PLCXD3: variants seen among roughly 807,000 people sequenced by gnomAD.
The protein encoded by PLCXD3 is phosphatidylinositol specific phospholipase C X domain containing 3.
Under a neutral mutation model 25.5 loss-of-function variants are expected in PLCXD3, and 19 were observed. The ratio of observed to expected loss-of-function variants is 0.75; its 90% CI spans 0.52 to 1.09. The LOEUF (loss-of-function observed/expected upper bound fraction) is 1.09, where lower values mean the gene tolerates loss of function less well. PLCXD3 is among the 50% of genes least tolerant of loss of function. The pLI is 0.00. For missense variants in PLCXD3, 411 were observed against 388.1 expected (o/e 1.06, Z -0.50); for synonymous variants, 174 against 137.6 (o/e 1.26, Z -1.85).
At chr5:41,477,619 C>A (rs1451378213) in intron 1 of PLCXD3, among the ~76,000 whole-genome samples, 1 of 152,046 alleles carries the variant, frequency 6.6e-6, no homozygotes, top group Non-Finnish European at 1.5e-5. Flanking sequence ...AGCCCCCTTA[C>A]ACCATAGTCA....
chr5:41,384,184 G>A (rs1237659528), intron 1 of PLCXD3, among the ~76,000 whole-genome samples: 1 of 152,118 alleles, frequency 6.6e-6, no homozygotes, highest in African/African-American at 2.4e-5. Flanking sequence ...AGTAGATGGT[G>A]TGGCAAGAAA....
In PLCXD3 at chr5:41,352,379, A is replaced by T. The variant is rs576125633; in HGVS notation, c.812+29447T>A. 5.9e-5 allele frequency among the ~76,000 whole-genome samples: 9 copies of T among 152,270 alleles called. No homozygotes were observed. In the South Asian group the frequency reaches 1.7e-3, roughly 28 times the overall value. ...ACCTGGCAAATTTCTACTTGCTTTA[A>T]TTCTCAGATCAAAAATCACTTTCTT... is the stretch of plus-strand genomic sequence containing the variant. On this transcript the variant is annotated intron_variant, in intron 2 of 2. Coordinates refer to ENST00000377801, the MANE Select transcript of PLCXD3 (RefSeq NM_001005473.3).
At chr5:41,426,908 T>A (rs1159897614) in intron 1 of PLCXD3, among the ~76,000 whole-genome samples, 5 of 152,186 alleles carry the variant, frequency 3.3e-5, no homozygotes, top group Non-Finnish European at 7.4e-5. Flanking sequence ...TAGAGAATTC[T>A]AGAATGACTA....
intron 1 of PLCXD3, among the ~76,000 whole-genome samples, chr5:41,485,369 C>T (rs1161780053): frequency 6.6e-6 from 1 of 152,204 alleles, no homozygotes; most frequent in Admixed American, 6.5e-5. Context: ...AAAAATCACA[C>T]TGATGAAAGT....
intron 1 of PLCXD3, among the ~76,000 whole-genome samples, chr5:41,389,990 C>T (rs760915720): frequency 1.3e-5 from 2 of 152,094 alleles, no homozygotes; most frequent in African/African-American, 2.4e-5. Context: ...CCTTGTGACC[C>T]TTTGTAGCAA....
chr5:41,339,481 C>T (rs968678703), intron 2 of PLCXD3, among the ~76,000 whole-genome samples: 2 of 151,468 alleles, frequency 1.3e-5, no homozygotes, highest in East Asian at 1.9e-4. Flanking sequence ...GAATCACTGA[C>T]GTATGTGAAT....
chr5:41,444,023 C>T (rs529014472), intron 1 of PLCXD3, among the ~76,000 whole-genome samples: 1 of 152,092 alleles, frequency 6.6e-6, no homozygotes, highest in Non-Finnish European at 1.5e-5. Flanking sequence ...ACAAATCAAT[C>T]TGTGGATATA....
intron 2 of PLCXD3, among the ~76,000 whole-genome samples, chr5:41,353,218 G>A (rs1332439657): frequency 2.7e-5 from 4 of 150,734 alleles, no homozygotes; most frequent in Admixed American, 1.3e-4. Flanking sequence ...TCAGCCTCCC[G>A]AGTAGCTGGG....
intron 2 of PLCXD3, among the ~76,000 whole-genome samples, chr5:41,375,172 A>AG (rs56149624): frequency 0.67 from 100,245 of 149,538 alleles, 33,531 homozygotes; most frequent in South Asian, 0.75. Context: ...AGAGAGAGAG[A>AG]AAGAGAAAGA....
At position 41,459,849 on chromosome 5, in the gene PLCXD3, A is replaced by G. The variant is rs181968948; in HGVS notation, c.103+50575T>C. On this transcript the variant is annotated intron_variant, in intron 1 of 2. Coordinates refer to ENST00000377801, the MANE Select transcript of PLCXD3 (RefSeq NM_001005473.3). Reference sequence around the variant, plus strand: ...TAAGGATTGCTGCCATTAAGTGTACAATCAAGCAAGCGATAAGGATTTACT... The same window carrying G: ...TAAGGATTGCTGCCATTAAGTGTACGATCAAGCAAGCGATAAGGATTTACT... Among the ~76,000 whole-genome samples the G allele has an allele frequency of 1.6e-3, 250 of 152,092 alleles. 2 individuals are homozygous for G. The highest frequency in any genetic ancestry group is 0.015 in the Admixed American group (225 of 15,240).
At chr5:41,345,020 C>T (rs772215520) in intron 2 of PLCXD3, among the ~76,000 whole-genome samples, 3 of 152,054 alleles carry the variant, frequency 2.0e-5, no homozygotes, top group Non-Finnish European at 4.4e-5. Flanking sequence ...CAAACTGGTT[C>T]TATAAACAAA....
intron 1 of PLCXD3, among the ~76,000 whole-genome samples, chr5:41,490,292 A>T (rs912716775): frequency 2.0e-5 from 3 of 152,178 alleles, no homozygotes; most frequent in Admixed American, 6.5e-5. Context: ...AGCCCACTTG[A>T]TCATGGTGGA....
chr5:41,413,505 T>C lies in PLCXD3; in HGVS notation c.104-30971A>G, dbSNP rs78962613. On this transcript the variant is annotated intron_variant, in intron 1 of 2. Transcript: ENST00000377801. ...CTCAAACCCAATAAATTTGTGAATG[T>C]TTTCAAAAAAATGGTCCTTGCCTTT... 4.8e-3 allele frequency among the ~76,000 whole-genome samples: 734 copies of C among 152,270 alleles called. 7 individuals carry two copies. Among genetic ancestry groups the C allele is most frequent in the Middle Eastern group, 0.014 (4 of 294 alleles).
At chr5:41,380,807 T>C (rs1388710181) in intron 2 of PLCXD3, among the ~76,000 whole-genome samples, 2 of 152,164 alleles carry the variant, frequency 1.3e-5, no homozygotes, top group Non-Finnish European at 2.9e-5. Context: ...CTTCAGATGA[T>C]GTTTGCATTG....
intron 1 of PLCXD3, among the ~76,000 whole-genome samples, chr5:41,493,516 G>T (rs1333367652): frequency 6.6e-6 from 1 of 152,234 alleles, no homozygotes; most frequent in Non-Finnish European, 1.5e-5. Flanking sequence ...CTTTTTGTTT[G>T]TCTGTGCCTT....
At chr5:41,410,294 C>A (rs1457022349) in intron 1 of PLCXD3, among the ~76,000 whole-genome samples, 3 of 151,850 alleles carry the variant, frequency 2.0e-5, no homozygotes, top group South Asian at 2.1e-4. Flanking sequence ...CGTGCGCCCC[C>A]ACGCCTGGCT....
chr5:41,336,385 T>C (rs570099179), intron 2 of PLCXD3, among the ~76,000 whole-genome samples: 2 of 152,284 alleles, frequency 1.3e-5, no homozygotes, highest in East Asian at 3.9e-4. Context: ...ACCCAAGAGA[T>C]AAGAACTCAA....
chr5:41,413,159 T>A (rs537408222), intron 1 of PLCXD3, among the ~76,000 whole-genome samples: 14 of 152,322 alleles, frequency 9.2e-5, no homozygotes, highest in South Asian at 4.1e-4. Flanking sequence ...AATTTTTTTT[T>A]AAATTGCCTA....
intron 1 of PLCXD3, among the ~76,000 whole-genome samples, chr5:41,504,662 T>G (rs1328687547): frequency 6.6e-6 from 1 of 152,160 alleles, no homozygotes; most frequent in Non-Finnish European, 1.5e-5. Context: ...AGTGATATTT[T>G]GGGGATAAAA....
Sources: allele counts gnomAD v4.1 joint callset (sites outside exome capture counted in the v4.1 genomes callset), GRCh38; gene constraint gnomAD v4.1.1; transcripts MANE v1.5; gene names NCBI Gene and HGNC (gene_info 2026-07-23, HGNC 2026-07-21).